The following ZNF124 variants were observed in gnomAD, a reference collection of about 807,000 sequenced individuals.
The protein encoded by ZNF124 is zinc finger protein 124.
In ZNF124, 25 loss-of-function variants were observed where a neutral mutation model predicts 26.6. The ratio of observed to expected loss-of-function variants is 0.94; its 90% CI spans 0.68 to 1.31. The LOEUF (loss-of-function observed/expected upper bound fraction) is 1.31, where lower values mean the gene tolerates loss of function less well. ZNF124 is among the 40% of genes most tolerant of loss of function. The pLI, the probability that ZNF124 is intolerant of heterozygous loss-of-function variation, is 0.00. For synonymous variants in ZNF124, 129 were observed against 133.3 expected (o/e 0.97, Z 0.22); for missense variants, 444 against 422.2 (o/e 1.05, Z -0.45).
At chr1:247,146,002 C>G (rs551539963) in intron 3 of ZNF124, among the ~76,000 whole-genome samples, 1 of 152,298 alleles carries the variant, frequency 6.6e-6, no homozygotes, top group Non-Finnish European at 1.5e-5. Flanking sequence ...TGAAAGGTTT[C>G]CTTTTTTCAG....
intron 3 of ZNF124, among the ~76,000 whole-genome samples, chr1:247,147,711 T>C (rs1223538747): frequency 6.6e-6 from 1 of 152,138 alleles, no homozygotes; most frequent in Non-Finnish European, 1.5e-5. Context: ...CTGCCCTCTG[T>C]GGCAAATGGA....
chr1:247,163,799 C>CTGGCAGGCATACAACACA lies in ZNF124; in HGVS notation c.31-4004_31-3987dup, dbSNP rs1312272253. 9.4e-4 allele frequency among the ~76,000 whole-genome samples: 143 copies of CTGGCAGGCATACAACACA among 152,202 alleles called. 2 individuals are homozygous for CTGGCAGGCATACAACACA. The highest frequency in any genetic ancestry group is 3.4e-3 in the African/African-American group (141 of 41,524). ...TCATTCTATGACAGCCAGCGTCATC[C>CTGGCAGGCATACAACACA]TGGCAGGCATACAACACATGGCAGG... On this transcript the variant is annotated intron_variant, in intron 1 of 3. Coordinates refer to ENST00000543802, the MANE Select transcript of ZNF124 (RefSeq NM_001297568.2).
intron 3 of ZNF124, among the ~76,000 whole-genome samples, chr1:247,140,983 C>A (rs1275240022): frequency 6.6e-6 from 1 of 152,166 alleles, no homozygotes; most frequent in Admixed American, 6.5e-5. Flanking sequence ...TATGTTCCTC[C>A]CCTGGCTTGG....
At chr1:247,133,731 G>A (rs892225720) in intron 3 of ZNF124, among the ~76,000 whole-genome samples, 1 of 144,144 alleles carries the variant, frequency 6.9e-6, no homozygotes, top group African/African-American at 2.6e-5. Context: ...TCAGCTCACT[G>A]CAACCTCCAC....
chr1:247,131,125 TTC>T (rs1282473231), intron 3 of ZNF124, among the ~76,000 whole-genome samples: 1 of 151,922 alleles, frequency 6.6e-6, no homozygotes, highest in African/African-American at 2.4e-5. Context: ...AGCAACCAGG[TTC>T]TCTCATCAAA....
At chr1:247,159,976 G>GTTTTTTTTTTTTTTTTTT (rs779659255) in intron 1 of ZNF124, 163 bp from the exon 2 acceptor site, 1 of 246,278 alleles carries the variant, frequency 4.1e-6, no homozygotes. Context: ...CCACATAGCA[G>GTTTTTTTTTTTTTTTTTT]TTCTTTTTTT....
intron 2 of ZNF124, among the ~76,000 whole-genome samples, chr1:247,159,413 T>G (rs1022023262): frequency 9.9e-5 from 15 of 152,192 alleles, no homozygotes; most frequent in African/African-American, 3.6e-4. Context: ...TGAGCTGAAG[T>G]AGCATCAGGT....
Position 247,157,091 on chromosome 1 carries a change from G to A in ZNF124, c.531C>T (p.Arg177=). 6.2e-7 allele frequency: 1 copy of A among 1,614,134 alleles called. No individual in the cohort carries two copies. The highest frequency in any genetic ancestry group is 8.5e-7 in the Non-Finnish European group (1 of 1,180,036). The change falls in exon 4 of 4, where the codon CGC becomes CGT. Residue 177 remains arginine, a synonymous_variant. Transcript: ENST00000543802. The part of the protein sequence containing the change: ...RHKRIHTGEK[R]YECKQCGKAF... ...CTTTCCCACATTGCTTACATTCATA[G>A]CGTTTTTCTCCAGTGTGAATCCTTT...
exon 4 of ZNF124, chr1:247,123,549 T>C (rs113027410): frequency 0.11 from 35,968 of 331,622 alleles, 2,517 homozygotes; most frequent in African/African-American, 0.27. Context: ...GTATCGAACA[T>C]TGGTTTCCTA....
intron 3 of ZNF124, among the ~76,000 whole-genome samples, chr1:247,124,415 A>G (rs1194268363): frequency 6.6e-6 from 1 of 151,180 alleles, no homozygotes; most frequent in African/African-American, 2.4e-5. Flanking sequence ...GTTGGCCAGG[A>G]TGGTCTTAAA....
intron 3 of ZNF124, among the ~76,000 whole-genome samples, chr1:247,145,479 G>A (rs536682932): frequency 1.3e-5 from 2 of 152,186 alleles, no homozygotes; most frequent in African/African-American, 2.4e-5. Context: ...ACGGTCGGGG[G>A]CCTCCCACAC....
At chr1:247,154,180 GTAA>G (rs770504107), downstream of ZNF124, among the ~76,000 whole-genome samples, 2 of 152,154 alleles carry the variant, frequency 1.3e-5, no homozygotes, top group Non-Finnish European at 2.9e-5. Flanking sequence ...ACCTTGACTT[GTAA>G]TAATTCCCAC....
rs1016587379 is a variant in ZNF124 at position 247,155,435 on chromosome 1, A to G, written c.*1131T>C. ...AAAATGGCTATGCAAGAAAAAAGGA[A>G]AAGAAATACATTTCAATTTACCCAT... On this transcript the variant is annotated 3_prime_UTR_variant, in exon 4 of 4. Coordinates refer to ENST00000543802, the MANE Select transcript of ZNF124 (RefSeq NM_001297568.2). Among the ~76,000 whole-genome samples, 1 of 152,178 alleles carries G rather than the reference A, an allele frequency of 6.6e-6. No individual in the cohort carries two copies. Among genetic ancestry groups the G allele is most frequent in the African/African-American group, 2.4e-5 (1 of 41,466 alleles).
rs1029730017 is a variant in ZNF124, at chr1:247,168,987, T to C, written c.30+2861A>G. ...AAAACCACCTGCTACCCCAAATGTA[T>C]TGATATAACATTAAAAATTTTTTTA... is the stretch of plus-strand genomic sequence containing the variant. On this transcript the variant is annotated intron_variant, in intron 1 of 3. Transcript: ENST00000543802. The surrounding 1 kb of genome is among the most constrained non-coding windows in gnomAD (Gnocchi z 4.0). Among the ~76,000 whole-genome samples, 5 of 152,160 alleles carry C rather than the reference T, an allele frequency of 3.3e-5. No individual in the cohort carries two copies. Among genetic ancestry groups the C allele is most frequent in the Admixed American group, 2.0e-4 (3 of 15,274 alleles).
At chr1:247,159,979 CTTTTTTTTTTTTTT>C (rs1212199135) in intron 1 of ZNF124, 166 bp from the exon 2 acceptor site, 6 of 147,742 alleles carry the variant, frequency 4.1e-5, no homozygotes, top group South Asian at 2.8e-4. Flanking sequence ...CATAGCAGTT[CTTTTTTTTTTTTTT>C]TTTTTTTTTT....
At chr1:247,145,680 G>C (rs1672756858) in intron 3 of ZNF124, among the ~76,000 whole-genome samples, 1 of 151,638 alleles carries the variant, frequency 6.6e-6, no homozygotes, top group Admixed American at 6.6e-5. Flanking sequence ...CCAAGCTGGA[G>C]TGCAGTGGTG....
At chr1:247,125,526 G>A (rs1428406288) in intron 3 of ZNF124, among the ~76,000 whole-genome samples, 3 of 128,216 alleles carry the variant, frequency 2.3e-5, no homozygotes, top group Non-Finnish European at 4.7e-5. Flanking sequence ...CTGCCTTCCC[G>A]TTTCAAGGGA....
intron 3 of ZNF124, among the ~76,000 whole-genome samples, chr1:247,125,462 T>TTTTTTA (rs1672191459): frequency 1.5e-5 from 2 of 129,238 alleles, no homozygotes; most frequent in African/African-American, 3.3e-5. Context: ...TTTTTTTTTT[T>TTTTTTA]GAGGCAGAGT....
intron 1 of ZNF124, among the ~76,000 whole-genome samples, chr1:247,170,232 G>C (rs181778749): frequency 1.4e-5 from 2 of 147,476 alleles, no homozygotes; most frequent in African/African-American, 5.0e-5. Context: ...TTTTCACAAG[G>C]AATGTTCAGA....
Sources: gnomAD v4.1 joint callset for allele counts (sites outside exome capture counted in the v4.1 genomes callset) on GRCh38, gnomAD v4.1.1 for gene constraint, Gnocchi (gnomAD v3.1) non-coding constraint, MANE v1.5 for transcripts, NCBI Gene and HGNC (gene_info 2026-07-23, HGNC 2026-07-21) for gene names.